The following AKR1C8 variants were observed in gnomAD, a reference collection of about 807,000 sequenced individuals.
AKR1C8 encodes the protein aldo-keto reductase family 1 member C-like protein 1.
chr10:5,156,814 A>T, the AKR1C8 span, among the ~76,000 whole-genome samples: 1 of 152,240 alleles, frequency 6.6e-6, no homozygotes, highest in Non-Finnish European at 1.5e-5. Flanking sequence ...AAATAAATAC[A>T]TTATATATGA....
chr10:5,136,276 G>T, the AKR1C8 span, among the ~76,000 whole-genome samples: 1 of 152,076 alleles, frequency 6.6e-6, no homozygotes, highest in African/African-American at 2.4e-5. Flanking sequence ...GGCCAGACAC[G>T]TTGGCTCACA....
the AKR1C8 span, among the ~76,000 whole-genome samples, chr10:5,156,376 T>A: frequency 1.3e-5 from 2 of 152,208 alleles, no homozygotes; most frequent in Admixed American, 6.5e-5. Flanking sequence ...TTTTAATAAA[T>A]CTCTCTTACT....
the AKR1C8 span, among the ~76,000 whole-genome samples, chr10:5,177,380 C>T: frequency 6.6e-6 from 1 of 151,952 alleles, no homozygotes; most frequent in Non-Finnish European, 1.5e-5. Flanking sequence ...ATTCGGTTTG[C>T]CAGTATTTTA....
the AKR1C8 span, among the ~76,000 whole-genome samples, chr10:5,168,189 C>A: frequency 6.6e-6 from 1 of 152,030 alleles, no homozygotes; most frequent in Non-Finnish European, 1.5e-5. Context: ...TATGTGCAAG[C>A]TTCTTTGCCC....
At chr10:5,158,145 A>C in the AKR1C8 span, among the ~76,000 whole-genome samples, 2 of 152,222 alleles carry the variant, frequency 1.3e-5, no homozygotes, top group African/African-American at 2.4e-5. Flanking sequence ...GATCTCTTTC[A>C]TAGGAAATTT....
chr10:5,146,365 A>T, the AKR1C8 span, among the ~76,000 whole-genome samples: 26 of 152,224 alleles, frequency 1.7e-4, no homozygotes, highest in Non-Finnish European at 3.2e-4. Context: ...GAAGAAAAAA[A>T]ATTATTCAAT....
chr10:5,141,263 C>A, the AKR1C8 span, among the ~76,000 whole-genome samples: 3 of 152,086 alleles, frequency 2.0e-5, no homozygotes, highest in Non-Finnish European at 4.4e-5. Context: ...GAAATTACAG[C>A]AATTCAGTCA....
chr10:5,159,970 C>T, the AKR1C8 span: 31 of 367,496 alleles, frequency 8.4e-5, 7 homozygotes, highest in Non-Finnish European at 1.8e-4. Context: ...CCCCAATGGA[C>T]CTGGTTAAAC....
the AKR1C8 span, among the ~76,000 whole-genome samples, chr10:5,119,431 G>T: frequency 6.6e-6 from 1 of 151,990 alleles, no homozygotes; most frequent in Non-Finnish European, 1.5e-5. Context: ...TTGTAAAAAT[G>T]CACAAAACAA....
the AKR1C8 span, among the ~76,000 whole-genome samples, chr10:5,139,387 C>T: frequency 7.2e-5 from 11 of 152,120 alleles, no homozygotes; most frequent in African/African-American, 9.7e-5. Flanking sequence ...ATTATGCTAC[C>T]GGACTTCAAA....
At chr10:5,153,806 G>A in the AKR1C8 span, among the ~76,000 whole-genome samples, 1 of 152,152 alleles carries the variant, frequency 6.6e-6, no homozygotes, top group East Asian at 1.9e-4. Context: ...GATTATCATT[G>A]ACATGATATT....
the AKR1C8 span, among the ~76,000 whole-genome samples, chr10:5,157,268 C>G: frequency 1.3e-5 from 2 of 152,140 alleles, no homozygotes; most frequent in African/African-American, 4.8e-5. Flanking sequence ...AACAGAGCAG[C>G]TAATTTTATT....
chr10:5,140,282 C>A, the AKR1C8 span, among the ~76,000 whole-genome samples: 2 of 152,172 alleles, frequency 1.3e-5, no homozygotes, highest in African/African-American at 2.4e-5. Flanking sequence ...TTTGACCCAG[C>A]GATCCCATTA....
the AKR1C8 span, among the ~76,000 whole-genome samples, chr10:5,126,694 G>A: frequency 6.6e-6 from 1 of 152,080 alleles, no homozygotes; most frequent in Non-Finnish European, 1.5e-5. Flanking sequence ...CACAACAGGA[G>A]AATAAGATAA....
At chr10:5,181,038 G>A in the AKR1C8 span, among the ~76,000 whole-genome samples, 1 of 152,142 alleles carries the variant, frequency 6.6e-6, no homozygotes. Flanking sequence ...GATGAACCCG[G>A]TACCTCAGAT....
the AKR1C8 span, among the ~76,000 whole-genome samples, chr10:5,175,359 T>C: frequency 1.3e-5 from 2 of 152,196 alleles, no homozygotes; most frequent in Non-Finnish European, 2.9e-5. Flanking sequence ...CCACATTTTC[T>C]TAGTCCAGCC....
chr10:5,123,686 G>T, the AKR1C8 span: 1 of 1,578,550 alleles, frequency 6.3e-7, no homozygotes, highest in Non-Finnish European at 8.6e-7. Context: ...GGCATTTTAG[G>T]TAAACTTCCT....
chr10:5,178,649 T>C, the AKR1C8 span, among the ~76,000 whole-genome samples: 1 of 152,238 alleles, frequency 6.6e-6, no homozygotes, highest in African/African-American at 2.4e-5. Context: ...ACTTGCTTTA[T>C]GAATCTGGGT....
At chr10:5,167,519 C>T in the AKR1C8 span, among the ~76,000 whole-genome samples, 1 of 152,100 alleles carries the variant, frequency 6.6e-6, no homozygotes, top group African/African-American at 2.4e-5. Context: ...TCATTCTCAG[C>T]AAACTATCGC....
Sources: gnomAD v4.1 joint callset for allele counts (sites outside exome capture counted in the v4.1 genomes callset) on GRCh38, gnomAD v4.1.1 for gene constraint, MANE v1.5 for transcripts, NCBI Gene and HGNC (gene_info 2026-07-23, HGNC 2026-07-21) for gene names.